Variants in C1orf167 observed in about 807,000 individuals in gnomAD.
C1orf167 encodes uncharacterized protein C1orf167.
Under a neutral mutation model 176.5 loss-of-function variants are expected in C1orf167, and 153 were observed. The ratio of observed to expected loss-of-function variants is 0.87; its 90% CI spans 0.76 to 0.99. The LOEUF (loss-of-function observed/expected upper bound fraction) is 0.99. C1orf167 is among the 50% of genes least tolerant of loss of function. The probability of loss-of-function intolerance (pLI) is 0.00; values close to 1 mark genes in which losing one functional copy is unlikely to be tolerated. For synonymous variants in C1orf167, 594 were observed against 752.7 expected (o/e 0.79, Z 3.45); for missense variants, 1,490 against 1,817.7 (o/e 0.82, Z 3.28).
At chr1:11,775,103 G>A (rs1643246831) in intron 8 of C1orf167, among the ~76,000 whole-genome samples, 1 of 149,016 alleles carries the variant, frequency 6.7e-6, no homozygotes, top group Admixed American at 6.9e-5. Context: ...TGGCCAACAT[G>A]GAGAAACCCC....
At chr1:11,787,568 C>T (rs551190329) in intron 17 of C1orf167, 75 bp downstream of exon 17, 1 of 1,052,018 alleles carries the variant, frequency 9.5e-7, no homozygotes, top group Non-Finnish European at 1.2e-6. Context: ...CCTCAGGGGC[C>T]TGGAAATCAG....
At chr1:11,785,654 G>C in intron 16 of C1orf167, 1 of 167,890 alleles carries the variant, frequency 6.0e-6, no homozygotes, top group Non-Finnish European at 1.3e-5. Flanking sequence ...GCCTGTTAGG[G>C]AGACATTGAA....
rs1205661932 is a variant in C1orf167 at position 11,784,168 on chromosome 1, T to G, written c.3006-6T>G. ...CCACACCTGGCCCAATGTGTCTGTTTTGCAGCTACTTCCAGGCCTGGTGTG... is the reference window on the plus strand; with the variant it reads ...CCACACCTGGCCCAATGTGTCTGTTGTGCAGCTACTTCCAGGCCTGGTGTG... On this transcript the variant is annotated splice_region_variant and splice_polypyrimidine_tract_variant and intron_variant, in intron 14 of 20. Transcript: ENST00000688073. The G allele has an allele frequency of 8.2e-7, 1 of 1,221,032 alleles. No homozygotes were observed. Among genetic ancestry groups the G allele is most frequent in the South Asian group, 1.5e-5 (1 of 66,992 alleles). The allele number at this position is 1,221,032 out of a possible 1,614,324, so 75.6% of individuals were successfully genotyped here.
In C1orf167 at chr1:11,771,043, G is replaced by GTATATA. The variant is rs1374627501; in HGVS notation, c.1698-480_1698-479insATATAT. On this transcript the variant is annotated intron_variant, in intron 6 of 20. Transcript: ENST00000688073. ...AGCGTGTGTGTGTATGTGTGTGTGT[G>GTATATA]TGTGTGTATATATATATATATATAT... is the stretch of plus-strand genomic sequence containing the variant. Among the ~76,000 whole-genome samples the GTATATA allele has an allele frequency of 1.4e-3, 100 of 69,776 alleles. 4 individuals are homozygous for GTATATA. The highest frequency in any genetic ancestry group is 8.5e-3 in the Middle Eastern group (1 of 118). The allele number at this position is 69,776 out of a possible 152,430, so 45.8% of individuals were successfully genotyped here.
intron 6 of C1orf167, among the ~76,000 whole-genome samples, chr1:11,770,659 G>A (rs375528250): frequency 5.8e-4 from 86 of 148,520 alleles, no homozygotes; most frequent in Non-Finnish European, 8.0e-4. Flanking sequence ...ATGGGGTTTC[G>A]CCATGTTGGT....
At chr1:11,787,312 G>C in intron 16 of C1orf167, 76 bp from the exon 17 acceptor site, 1 of 862,960 alleles carries the variant, frequency 1.2e-6, no homozygotes, top group African/African-American at 1.8e-5. Flanking sequence ...AGCTAGAGCA[G>C]CGAAGAAATC....
intron 12 of C1orf167, chr1:11,779,490 T>A (rs1643490512): frequency 4.3e-6 from 1 of 230,100 alleles, no homozygotes; most frequent in African/African-American, 2.3e-5. Context: ...GCACGGCACA[T>A]ACATTCCCCA....
chr1:11,770,906 G>A (rs1643022647), intron 6 of C1orf167, among the ~76,000 whole-genome samples: 1 of 150,096 alleles, frequency 6.7e-6, no homozygotes, highest in Admixed American at 6.7e-5. Flanking sequence ...CCAGGCTCAA[G>A]CAATTCTCAT....
chr1:11,787,983 G>A lies in C1orf167; in HGVS notation c.3784G>A (p.Ala1262Thr), dbSNP rs1229384819. 5 of 1,304,148 alleles carry A rather than the reference G, an allele frequency of 3.8e-6. No individual in the cohort carries two copies. Among genetic ancestry groups the A allele is most frequent in the South Asian group, 1.2e-5 (1 of 81,030 alleles). 80.8% of individuals were successfully genotyped at this position (1,304,148 alleles called of 1,614,324 possible). Residue 1262 changes from alanine (A) to threonine (T), a missense_variant, in exon 18 of 21, where the codon GCG becomes ACG. Transcript: ENST00000688073. The stretch of plus-strand genomic sequence containing the variant: ...GTGGACGAGGGACCAGGGACCAAGA[G>A]CGCACTCCAGCCCTGAGCCCAGAGC... ...PLWTRDQGPR[A>T]HSSPEPRACK...
intron 8 of C1orf167, 70 bp from the exon 9 acceptor site, chr1:11,775,365 T>C (rs1474779585): frequency 1.7e-6 from 2 of 1,172,964 alleles, no homozygotes; most frequent in Non-Finnish European, 2.2e-6. Context: ...TGTCTGGCAA[T>C]GGCAGGCAGC....
intron 20 of C1orf167, 83 bp downstream of exon 20, chr1:11,788,829 G>A (rs537668565): frequency 1.7e-5 from 21 of 1,201,476 alleles, no homozygotes; most frequent in African/African-American, 6.2e-5. Context: ...GCCACGCACC[G>A]TGGAGCTTTC....
intron 13 of C1orf167, among the ~76,000 whole-genome samples, chr1:11,781,910 A>C (rs1643621222): frequency 1.3e-5 from 1 of 79,086 alleles, no homozygotes; most frequent in Non-Finnish European, 3.1e-5. Flanking sequence ...ACTCCGTCTC[A>C]AAAAAAAAAA....
Position 11,784,183 on chromosome 1 carries a change from G to C in C1orf167, c.3015G>C (p.Gln1005His), listed in dbSNP as rs1227564861. ...PEQLLLQSYF[Q>H]AWCEVVRDTG... Reference sequence around the variant, plus strand: ...TGTGTCTGTTTTGCAGCTACTTCCAGGCCTGGTGTGAGGTTGTAAGAGACA... The same window carrying C: ...TGTGTCTGTTTTGCAGCTACTTCCACGCCTGGTGTGAGGTTGTAAGAGACA... Residue 1005 changes from glutamine (Q) to histidine (H), a missense_variant, in exon 15 of 21, where the codon CAG becomes CAC. Transcript: ENST00000688073. 1.6e-6 allele frequency: 2 copies of C among 1,232,308 alleles called. No individual in the cohort carries two copies. The highest frequency in any genetic ancestry group is 2.1e-6 in the Non-Finnish European group (2 of 952,896). The allele number at this position is 1,232,308 out of a possible 1,614,324, so 76.3% of individuals were successfully genotyped here. A position where few individuals can be genotyped will look rare whatever the true frequency, so the allele number is the denominator to read the frequency against.
chr1:11,779,619 G>A (rs541513133), intron 12 of C1orf167, 183 bp from the exon 13 acceptor site: 60 of 363,294 alleles, frequency 1.7e-4, no homozygotes, highest in African/African-American at 1.1e-3. Context: ...ACTCATCATC[G>A]TGACCCTGGG....
chr1:11,788,446 C>A, intron 19 of C1orf167, 68 bp downstream of exon 19: 1 of 1,235,640 alleles, frequency 8.1e-7, no homozygotes, highest in Admixed American at 2.5e-5. Context: ...CCAAACCCCT[C>A]TCAAAAGTAT....
In C1orf167 at chr1:11,766,684, C is replaced by G. The variant is rs12760555; in HGVS notation, c.898C>G (p.Arg300Gly). 1 of 1,289,794 alleles carries G rather than the reference C, an allele frequency of 7.8e-7. No homozygotes were observed. The highest frequency in any genetic ancestry group is 1.0e-6 in the Non-Finnish European group (1 of 988,850). The allele number at this position is 1,289,794 out of a possible 1,614,324, so 79.9% of individuals were successfully genotyped here. A position where few individuals can be genotyped will look rare whatever the true frequency, so the allele number is the denominator to read the frequency against. ...CTCGGATGGGAGGAGGAGACGCCTT[C>G]GAGGCCACAGGGAAACTGCGGCTTT... ...ASSDGRRRRL[R>G]GHRETAAFLE... Residue 300 changes from arginine (R) to glycine (G), a missense_variant, in exon 3 of 21, where the codon CGA (arginine) becomes GGA (glycine). Physicochemically the swap from Arg to Gly is moderately radical, Grantham distance 125. Coordinates refer to ENST00000688073, the MANE Select transcript of C1orf167 (RefSeq NM_001010881.2). The surrounding 1 kb of genome is among the most constrained non-coding windows in gnomAD (Gnocchi z 4.5).
In C1orf167 at chr1:11,776,483, C is replaced by A. The variant is rs540542008; in HGVS notation, c.2184C>A (p.Thr728=). 5 of 1,302,042 alleles carry A rather than the reference C, an allele frequency of 3.8e-6. No homozygotes were observed. Among genetic ancestry groups the A allele is most frequent in the African/African-American group, 1.5e-5 (1 of 65,846 alleles). The allele number at this position is 1,302,042 out of a possible 1,614,324, so 80.7% of individuals were successfully genotyped here. Residue 728 remains threonine, a synonymous_variant, in exon 10 of 21, where the codon ACC becomes ACA. Coordinates refer to ENST00000688073, the MANE Select transcript of C1orf167 (RefSeq NM_001010881.2). ...TCTCAGGACGTGAGGCTGTCTACACCGCAGGCCCTGGAGCCTGTGGCCTGG... is the reference window on the plus strand; with the variant it reads ...TCTCAGGACGTGAGGCTGTCTACACAGCAGGCCCTGGAGCCTGTGGCCTGG... ...RQKAGREAVY[T]AGPGACGLGA... is the part of the protein sequence containing the mutation.
intron 10 of C1orf167, chr1:11,777,189 A>T (rs966842637): frequency 6.5e-6 from 1 of 152,734 alleles, no homozygotes; most frequent in Non-Finnish European, 1.5e-5. Flanking sequence ...AGTCAGGAGC[A>T]AGAAGGTCCT....
intron 15 of C1orf167, among the ~76,000 whole-genome samples, chr1:11,784,823 CT>C (rs1263772536): frequency 6.6e-6 from 1 of 152,224 alleles, no homozygotes; most frequent in African/African-American, 2.4e-5. Context: ...ATGGTCATGC[CT>C]TGCAGTCACC....
Sources: allele counts gnomAD v4.1 joint callset (sites outside exome capture counted in the v4.1 genomes callset), GRCh38; gene constraint gnomAD v4.1.1; non-coding constraint Gnocchi (gnomAD v3.1); transcripts MANE v1.5; gene names NCBI Gene and HGNC (gene_info 2026-07-23, HGNC 2026-07-21).